The following SNPH variants were observed in gnomAD, a reference collection of about 807,000 sequenced individuals.
SNPH encodes the protein syntaphilin.
SNPH carries 10 observed loss-of-function variants against 36.8 expected under a neutral mutation model. The observed-to-expected ratio is 0.27, with a 90% CI of 0.17 to 0.46. The LOEUF (loss-of-function observed/expected upper bound fraction) is 0.46. Among genes scored for constraint, SNPH ranks in the 20% least tolerant of loss-of-function variants. The pLI is 1.00. For synonymous variants in SNPH, 281 were observed against 312.2 expected, an observed-to-expected ratio of 0.90 and a Z score of 1.05; for missense variants, 622 against 744.0, an observed-to-expected ratio of 0.84 and a Z score of 1.91.
At chr20:1,297,335 C>A in intron 5 of SNPH, 83 bp downstream of exon 5, 2 of 1,329,716 alleles carry the variant, frequency 1.5e-6, no homozygotes, top group South Asian at 2.6e-5. Context: ...GGAGCAGGGT[C>A]GTGTTCTAAC....
Position 1,305,610 on chromosome 20 carries a change from G to A in SNPH, c.1173G>A (p.Arg391=), listed in dbSNP as rs1443742269. The A allele has an allele frequency of 6.2e-7, 1 of 1,613,562 alleles. No homozygotes were observed. The highest frequency in any genetic ancestry group is 1.1e-5 in the South Asian group (1 of 91,090). Residue 391 remains arginine, a synonymous_variant, in exon 7 of 7, where the codon AGG becomes AGA. Transcript: ENST00000381867. ...GGACAGACCCTGAGTCAGGGGACAG[G>A]TGCCCAGAGCTGGATGCCCACCCTT... The part of the protein sequence containing the change: ...VCGTDPESGD[R]CPELDAHPSG...
intron 2 of SNPH, among the ~76,000 whole-genome samples, chr20:1,284,117 C>A (rs1047014742): frequency 6.6e-6 from 1 of 152,174 alleles, no homozygotes; most frequent in Non-Finnish European, 1.5e-5. Context: ...TCATTACAGC[C>A]CTTAGAGGGG....
intron 2 of SNPH, among the ~76,000 whole-genome samples, chr20:1,275,551 A>G (rs555079831): frequency 6.6e-6 from 1 of 152,308 alleles, no homozygotes; most frequent in South Asian, 2.1e-4. Flanking sequence ...CAATTTGTCC[A>G]TGGCCCACAG....
chr20:1,275,449 C>T (rs987077583), intron 2 of SNPH, among the ~76,000 whole-genome samples: 1 of 152,142 alleles, frequency 6.6e-6, no homozygotes, highest in African/African-American at 2.4e-5. Flanking sequence ...ATGTCGGGCA[C>T]AGGGGATATG....
chr20:1,296,455 G>A (rs6078493), intron 4 of SNPH, 34 bp downstream of exon 4: 164,367 of 1,561,052 alleles, frequency 0.11, 9,147 homozygotes, highest in Middle Eastern at 0.14. Flanking sequence ...CCTAGGCTTC[G>A]GAGGGCGGGA....
rs954440620 is a variant in SNPH, at chr20:1,309,045, C to T, written c.*2991C>T. 3.3e-5 allele frequency: 5 copies of T among 152,250 alleles called. No homozygotes were observed. The highest frequency in any genetic ancestry group is 4.8e-5 in the African/African-American group (2 of 41,408). The allele number at this position is 152,250 out of a possible 1,614,324, so 9.4% of individuals were successfully genotyped here. On this transcript the variant is annotated 3_prime_UTR_variant, in exon 7 of 7. Coordinates refer to ENST00000381867, the MANE Select transcript of SNPH (RefSeq NM_001318234.2). ...TTGCCACAAGCGCAGGGGTATCTTA[C>T]AGCACTTTGGGGAGGGGTGGGACAA... is the stretch of plus-strand genomic sequence containing the variant.
intron 2 of SNPH, among the ~76,000 whole-genome samples, chr20:1,279,452 A>G (rs994477812): frequency 1.3e-5 from 2 of 152,168 alleles, no homozygotes. Context: ...AGAGTACTTT[A>G]TACATTCTGG....
At chr20:1,270,755 C>T (rs2088063624) in intron 2 of SNPH, among the ~76,000 whole-genome samples, 1 of 152,212 alleles carries the variant, frequency 6.6e-6, no homozygotes, top group African/African-American at 2.4e-5. Context: ...GGGAATTCTT[C>T]TTCATGTCTA....
chr20:1,287,617 TGA>T (rs1262149660), intron 2 of SNPH, among the ~76,000 whole-genome samples: 1 of 152,326 alleles, frequency 6.6e-6, no homozygotes, highest in East Asian at 1.9e-4. Context: ...ATTCTGATTC[TGA>T]GAGTGTGTTA....
chr20:1,287,207 T>C (rs1055902015), intron 2 of SNPH, among the ~76,000 whole-genome samples: 7 of 152,212 alleles, frequency 4.6e-5, no homozygotes, highest in African/African-American at 1.7e-4. Flanking sequence ...AAGCTTGGAA[T>C]TGAATCTCAA....
In SNPH at chr20:1,305,878, G is replaced by C. The variant is rs755205235; in HGVS notation, c.1441G>C (p.Val481Leu). 6.3e-7 allele frequency: 1 copy of C among 1,595,676 alleles called. No homozygotes were observed. Among genetic ancestry groups the C allele is most frequent in the Admixed American group, 1.7e-5 (1 of 57,578 alleles). Residue 481 changes from valine (V) to leucine (L), a missense_variant, in exon 7 of 7, where the codon GTG becomes CTG. This residue lies in a region of SNPH where 379 missense variants were observed against 427.9 expected (regional missense o/e 0.89). Transcript: ENST00000381867. ...TCTGCTGGCTGTGGTGGTGCCGGCC[G>C]TGCCCACGGTGGCCTGGCTTTGCCG... ...VDLLAVVVPA[V>L]PTVAWLCRSQ...
At chr20:1,293,237 C>T (rs532483548) in intron 2 of SNPH, among the ~76,000 whole-genome samples, 48 of 152,170 alleles carry the variant, frequency 3.2e-4, no homozygotes, top group Non-Finnish European at 2.9e-4. Context: ...CCCCCATTGT[C>T]GGGGGGGTTA....
Position 1,285,266 on chromosome 20 carries a change from C to A in SNPH, c.-492-9685C>A, listed in dbSNP as rs1250425857. ...GAGATACTCTGTTAGACCAAAGTGG[C>A]GGTGTCCTGAAATCCTGTTGTTTGG... is the stretch of plus-strand genomic sequence containing the variant. On this transcript the variant is annotated intron_variant, in intron 2 of 6. Coordinates refer to ENST00000381867, the MANE Select transcript of SNPH (RefSeq NM_001318234.2). This position sits in a 1 kb window ranked among gnomAD's most constrained non-coding sequence, Gnocchi z 4.9. Among the ~76,000 whole-genome samples the A allele has an allele frequency of 6.6e-6, 1 of 152,148 alleles. No homozygotes were observed. The highest frequency in any genetic ancestry group is 2.4e-5 in the African/African-American group (1 of 41,428).
chr20:1,290,287 C>T (rs917655925), intron 2 of SNPH, among the ~76,000 whole-genome samples: 7 of 152,164 alleles, frequency 4.6e-5, no homozygotes, highest in African/African-American at 1.7e-4. Flanking sequence ...ATAACCATCA[C>T]CACTAGCTAC....
Position 1,297,171 on chromosome 20 carries a change from G to A in SNPH, c.209G>A (p.Arg70Gln), listed in dbSNP as rs910484530. Reference protein sequence around the residue: ...RRRTSPPVSVRDAYGTSSLSS... With the variant: ...RRRTSPPVSVQDAYGTSSLSS... ...CGCACCTCTCCACCTGTGAGCGTGC[G>A]GGATGCCTACGGCACCTCTTCGCTC... is the stretch of plus-strand genomic sequence containing the variant. Residue 70 changes from arginine to glutamine, a missense_variant, in exon 5 of 7, where the codon CGG (arginine) becomes CAG (glutamine). Arg to Gln is a conservative substitution (Grantham distance 43). Transcript: ENST00000381867. The A allele has an allele frequency of 1.3e-5, 21 of 1,613,506 alleles. No individual in the cohort carries two copies. Among genetic ancestry groups the A allele is most frequent in the Middle Eastern group, 1.6e-4 (1 of 6,082 alleles).
chr20:1,277,334 T>A (rs2088143743), intron 2 of SNPH, among the ~76,000 whole-genome samples: 1 of 152,140 alleles, frequency 6.6e-6, no homozygotes. Context: ...CTAGAGGCCA[T>A]GTGGGAGTTT....
At chr20:1,284,586 A>G (rs2088262868) in intron 2 of SNPH, among the ~76,000 whole-genome samples, 1 of 152,228 alleles carries the variant, frequency 6.6e-6, no homozygotes, top group African/African-American at 2.4e-5. Context: ...CACAGTGGTC[A>G]GAGAAGATTC....
intron 2 of SNPH, among the ~76,000 whole-genome samples, chr20:1,268,280 G>T (rs1362653691): frequency 6.6e-6 from 1 of 152,194 alleles, no homozygotes; most frequent in Admixed American, 6.5e-5. Flanking sequence ...AGTCTCTGAG[G>T]GAACAGAAGC....
chr20:1,291,370 A>AGATCCTAGGTTTTGTT (rs2088358545), intron 2 of SNPH, among the ~76,000 whole-genome samples: 2 of 152,220 alleles, frequency 1.3e-5, no homozygotes, highest in African/African-American at 4.8e-5. Flanking sequence ...CCTGGAAGGA[A>AGATCCTAGGTTTTGTT]GATCCTAGGT....
Sources: gnomAD v4.1 joint callset for allele counts (sites outside exome capture counted in the v4.1 genomes callset) on GRCh38, gnomAD v4.1.1 for gene constraint, gnomAD v4.1.1 regional missense constraint, Gnocchi (gnomAD v3.1) non-coding constraint, MANE v1.5 for transcripts, NCBI Gene and HGNC (gene_info 2026-07-23, HGNC 2026-07-21) for gene names.